The following IFT122 variants were observed in gnomAD, a reference collection of about 807,000 sequenced individuals.
The protein encoded by IFT122 is intraflagellar transport protein 122 homolog.
A neutral mutation model predicts 161.6 loss-of-function variants in IFT122; 118 were observed. The ratio of observed to expected loss-of-function variants is 0.73; its 90% CI spans 0.63 to 0.85. IFT122 has a LOEUF of 0.85. Ranked by LOEUF, IFT122 falls within the 40% of genes least tolerant of loss-of-function variation. The pLI, the probability that IFT122 is intolerant of heterozygous loss-of-function variation, is 0.00. For synonymous variants in IFT122, 550 were observed against 602.4 expected (o/e 0.91, Z 1.27); for missense variants, 1,381 against 1,579.6 (o/e 0.87, Z 2.13).
intron 9 of IFT122, among the ~76,000 whole-genome samples, chr3:129,472,952 T>C (rs778570933): frequency 6.6e-6 from 1 of 152,232 alleles, no homozygotes; most frequent in Non-Finnish European, 1.5e-5. Context: ...TTTTTATTCA[T>C]TACAAGCGTA....
At chr3:129,503,167 C>T (rs932776466) in intron 20 of IFT122, among the ~76,000 whole-genome samples, 1 of 152,230 alleles carries the variant, frequency 6.6e-6, no homozygotes, top group African/African-American at 2.4e-5. Flanking sequence ...AACACGACAG[C>T]TCCAGTGCCT....
At chr3:129,456,261 A>G in intron 3 of IFT122, 1 of 1,272,066 alleles carries the variant, frequency 7.9e-7, no homozygotes, top group Non-Finnish European at 1.0e-6. Flanking sequence ...GAGTGATGGA[A>G]ATAGTAAGAG....
At chr3:129,465,617 C>A (rs1362690671) in intron 7 of IFT122, among the ~76,000 whole-genome samples, 2 of 150,942 alleles carry the variant, frequency 1.3e-5, no homozygotes, top group African/African-American at 2.4e-5. Flanking sequence ...ATTACAGGTG[C>A]CTGCCACCAC....
At chr3:129,508,428 C>G (rs1257989682) in intron 23 of IFT122, among the ~76,000 whole-genome samples, 2 of 152,162 alleles carry the variant, frequency 1.3e-5, no homozygotes, top group Non-Finnish European at 2.9e-5. Flanking sequence ...CAAGTCATTT[C>G]CTCCTTTCAA....
At position 129,481,966 on chromosome 3, in the gene IFT122, C is replaced by T. The variant is rs566517446; in HGVS notation, c.1653+272C>T. Reference sequence around the variant, plus strand: ...CTGAGCCAGCAGAGCCTTTCTTAAGCGTTTACCATGAACAAGAAATGGGGC... The same window carrying T: ...CTGAGCCAGCAGAGCCTTTCTTAAGTGTTTACCATGAACAAGAAATGGGGC... On this transcript the variant is annotated intron_variant, in intron 14 of 29. Transcript: ENST00000348417. Among the ~76,000 whole-genome samples, 4 of 152,322 alleles carry T rather than the reference C, an allele frequency of 2.6e-5. No homozygotes were observed. In the South Asian group the frequency reaches 6.2e-4, roughly 24 times the overall value.
chr3:129,459,792 C>G (rs1396050938), intron 4 of IFT122, among the ~76,000 whole-genome samples: 3 of 148,720 alleles, frequency 2.0e-5, no homozygotes, highest in South Asian at 4.3e-4. Flanking sequence ...CAGTCTTGCT[C>G]TGTCTCCCAG....
At chr3:129,451,891 T>C in intron 2 of IFT122, 23 bp from the exon 3 acceptor site, 1 of 1,587,556 alleles carries the variant, frequency 6.3e-7, no homozygotes, top group Non-Finnish European at 8.7e-7. Flanking sequence ...ACATAGATAA[T>C]CTGTATTTGT....
At chr3:129,455,455 A>T (rs1214813561) in intron 3 of IFT122, among the ~76,000 whole-genome samples, 1 of 152,140 alleles carries the variant, frequency 6.6e-6, no homozygotes, top group Non-Finnish European at 1.5e-5. Flanking sequence ...ACAGGCGTGA[A>T]CCACCATGCC....
chr3:129,504,058 C>T (rs1366064154), intron 20 of IFT122: 1 of 484,032 alleles, frequency 2.1e-6, no homozygotes, highest in African/African-American at 2.0e-5. Context: ...GTTTCCGATT[C>T]TGTGCCGCTT....
At chr3:129,457,489 G>T (rs2075654369) in intron 3 of IFT122, among the ~76,000 whole-genome samples, 1 of 152,042 alleles carries the variant, frequency 6.6e-6, no homozygotes, top group Non-Finnish European at 1.5e-5. Context: ...TTGCACATCT[G>T]TTCCATCCAT....
rs149029829 is a variant in IFT122 at position 129,519,629 on chromosome 3, G to A, written c.3533G>A (p.Arg1178His). The A allele has an allele frequency of 2.7e-4, 430 of 1,613,568 alleles. 3 individuals carry two copies. In the East Asian group the frequency reaches 8.8e-3, roughly 33 times the overall value. ...CGGCTGGTGCTGCGCTCCATGAGCC[G>A]CCGGGATGTCCTCATCAAGCGATGG... ...VSRLVLRSMS[R>H]RDVLIKRWPP... The change falls in exon 29 of 30, where the codon CGC (arginine) becomes CAC (histidine). Residue 1178 changes from arginine to histidine, a missense_variant. Arg to His is a conservative substitution (Grantham distance 29). This residue lies in a region of IFT122 where 177 missense variants were observed against 199.2 expected (regional missense o/e 0.89). Transcript: ENST00000348417.
rs144831946 is a variant in IFT122 at position 129,504,370 on chromosome 3, C to A, written c.2599C>A (p.Pro867Thr). Residue 867 changes from proline to threonine, a missense_variant, in exon 21 of 30, where the codon CCG (proline) becomes ACG (threonine). By Grantham distance (38) the Pro-to-Thr change is conservative. Around this residue, in one of 7 missense-constraint regions of IFT122, gnomAD observed 496 missense variants for 502.5 expected, o/e 0.99. Transcript: ENST00000348417. ...HPEFKDDIYM[P>T]YAQWLAENDR... is the part of the protein sequence containing the mutation. Reference sequence around the variant, plus strand: ...TGAGTTTAAGGATGACATCTACATGCCGTATGCTCAGTGGCTAGCAGAGAA... The same window carrying A: ...TGAGTTTAAGGATGACATCTACATGACGTATGCTCAGTGGCTAGCAGAGAA... The A allele has an allele frequency of 2.2e-5, 35 of 1,613,988 alleles. No individual in the cohort carries two copies. The African/African-American group carries it at 4.4e-4, about 20-fold the overall frequency.
In IFT122 at chr3:129,459,293, G is replaced by C. The variant is rs1250206062; in HGVS notation, c.272+616G>C. 3 of 452,770 alleles carry C rather than the reference G, an allele frequency of 6.6e-6. No homozygotes were observed. In the Admixed American group the frequency reaches 7.1e-5, roughly 11 times the overall value. 28.0% of individuals were successfully genotyped at this position (452,770 alleles called of 1,614,324 possible). Reference sequence around the variant, plus strand: ...AGATACTGCATCTATTTTTTGTTTTGTTTTGTTTTGTTTTGAGACAGAGTC... The same window carrying C: ...AGATACTGCATCTATTTTTTGTTTTCTTTTGTTTTGTTTTGAGACAGAGTC... On this transcript the variant is annotated intron_variant, in intron 4 of 29. Coordinates refer to ENST00000348417, the MANE Select transcript of IFT122 (RefSeq NM_052989.3).
chr3:129,506,432 A>G lies in IFT122; in HGVS notation c.2674A>G (p.Arg892Gly). 1 of 1,614,012 alleles carries G rather than the reference A, an allele frequency of 6.2e-7. No homozygotes were observed. The highest frequency in any genetic ancestry group is 8.5e-7 in the Non-Finnish European group (1 of 1,179,946). ...AGCGTTCCACAAGGCTGGGCGACAG[A>G]GAGAAGCGGTCCAGGTGCTGGAGCA... Reference protein sequence around the residue: ...QKAFHKAGRQREAVQVLEQLT... With the variant: ...QKAFHKAGRQGEAVQVLEQLT... The change falls in exon 22 of 30, where the codon AGA becomes GGA. Residue 892 changes from arginine (R) to glycine (G), a missense_variant. Arg to Gly is a moderately radical substitution (Grantham distance 125, BLOSUM62 -2). This residue lies in a region of IFT122 where 496 missense variants were observed against 502.5 expected (regional missense o/e 0.99). Coordinates refer to ENST00000348417, the MANE Select transcript of IFT122 (RefSeq NM_052989.3).
chr3:129,504,809 T>C (rs533987570), intron 21 of IFT122, among the ~76,000 whole-genome samples: 4 of 152,124 alleles, frequency 2.6e-5, no homozygotes, highest in African/African-American at 9.7e-5. Context: ...GGTGAAGAAA[T>C]TTGCCTGAAG....
intron 1 of IFT122, among the ~76,000 whole-genome samples, chr3:129,441,883 A>G (rs1459108048): frequency 6.6e-6 from 1 of 152,200 alleles, no homozygotes; most frequent in Non-Finnish European, 1.5e-5. Context: ...ATAGCTGGCA[A>G]CTGAACATTT....
chr3:129,474,212 A>G (rs2077665056), intron 9 of IFT122, among the ~76,000 whole-genome samples: 1 of 152,192 alleles, frequency 6.6e-6, no homozygotes, highest in South Asian at 2.1e-4. Context: ...AATCTGTTCA[A>G]AATTGGATGC....
At chr3:129,492,879 C>T (rs184117141) in intron 17 of IFT122, among the ~76,000 whole-genome samples, 1 of 148,726 alleles carries the variant, frequency 6.7e-6, no homozygotes, top group East Asian at 2.0e-4. Context: ...AGCGCAGTGG[C>T]ACGATCACAG....
intron 3 of IFT122, among the ~76,000 whole-genome samples, chr3:129,454,683 A>G (rs1182206218): frequency 6.6e-6 from 1 of 152,058 alleles, no homozygotes; most frequent in Non-Finnish European, 1.5e-5. Context: ...AGGGCCCAGT[A>G]TAAGGCCCAG....
Sources: gnomAD v4.1 joint callset for allele counts (sites outside exome capture counted in the v4.1 genomes callset) on GRCh38, gnomAD v4.1.1 for gene constraint, gnomAD v4.1.1 regional missense constraint, MANE v1.5 for transcripts, NCBI Gene and HGNC (gene_info 2026-07-23, HGNC 2026-07-21) for gene names.